SATB1: variants seen among roughly 807,000 people sequenced by gnomAD.
The protein encoded by SATB1 is SATB homeobox 1.
In SATB1, 11 loss-of-function variants were observed where a neutral mutation model predicts 86.9. The observed-to-expected ratio is 0.13, with a 90% confidence interval of 0.08 to 0.21. The LOEUF (loss-of-function observed/expected upper bound fraction) is 0.21. Ranked by LOEUF, SATB1 falls within the 10% of genes least tolerant of loss-of-function variation. SATB1 has a pLI of 1.00. For missense variants in SATB1, 551 were observed against 937.6 expected (o/e 0.59, Z 5.39); for synonymous variants, 357 against 357.2 (o/e 1.00, Z 0.01).
chr3:18,382,289 G>T (rs189013872), intron 8 of SATB1, among the ~76,000 whole-genome samples: 1 of 152,190 alleles, frequency 6.6e-6, no homozygotes, highest in East Asian at 1.9e-4. Flanking sequence ...ATAAAGAGAT[G>T]TAAAAAATGA....
chr3:18,373,620 A>T (rs1695583888), intron 9 of SATB1, among the ~76,000 whole-genome samples: 1 of 152,188 alleles, frequency 6.6e-6, no homozygotes, highest in South Asian at 2.1e-4. Context: ...CCAAACCTAA[A>T]GGTCAGAATG....
chr3:18,420,824 T>G lies in SATB1; in HGVS notation c.144A>C (p.Thr48=). 1 of 1,614,180 alleles carries G rather than the reference T, an allele frequency of 6.2e-7. No homozygotes were observed. Among genetic ancestry groups the G allele is most frequent in the African/African-American group, 1.3e-5 (1 of 75,040 alleles). Reference sequence around the variant, plus strand: ...AAGGCACTCCCTGCATTTTTGCACCTGTACTCCCAAGCCTTCCTCTTCCTA... The same window carrying G: ...AAGGCACTCCCTGCATTTTTGCACCGGTACTCCCAAGCCTTCCTCTTCCTA... The part of the protein sequence containing the change: ...SPLGRGRLGS[T]GAKMQGVPLK... Residue 48 remains threonine (T), a synonymous_variant, in exon 2 of 11, where the codon ACA becomes ACC. Transcript: ENST00000338745.
At chr3:18,429,772 CTTAA>C (rs139639247), upstream of SATB1, among the ~76,000 whole-genome samples, 154 of 152,268 alleles carry the variant, frequency 1.0e-3, no homozygotes, top group Non-Finnish European at 1.9e-3. The surrounding 1 kb of genome is among the most constrained non-coding windows in gnomAD (Gnocchi z 4.1). Flanking sequence ...TCATCACAGT[CTTAA>C]TTAATTAACA....
intron 7 of SATB1, among the ~76,000 whole-genome samples, chr3:18,388,364 C>T (rs1696452921): frequency 6.6e-6 from 1 of 151,938 alleles, no homozygotes; most frequent in Admixed American, 6.6e-5. Flanking sequence ...ATGAAATAAC[C>T]CTTGCTCTTT....
In SATB1 at chr3:18,424,066, T is replaced by G; in HGVS notation, c.-464A>C. 2 of 151,668 alleles carry G rather than the reference T, an allele frequency of 1.3e-5. No individual in the cohort carries two copies. Among genetic ancestry groups the G allele is most frequent in the Non-Finnish European group, 1.5e-5 (1 of 67,954 alleles). The allele number at this position is 151,668 out of a possible 1,614,324, so 9.4% of individuals were successfully genotyped here. A position where few individuals can be genotyped will look rare whatever the true frequency, so the allele number is the denominator to read the frequency against. On this transcript the variant is annotated 5_prime_UTR_variant, in exon 1 of 11. Coordinates refer to ENST00000338745, the MANE Select transcript of SATB1 (RefSeq NM_002971.6). The stretch of plus-strand genomic sequence containing the variant: ...CGTAAAAACAAAGCAAAACCCGTTA[T>G]GAGCTGTACACTGTGATGGTGCTGG...
At chr3:18,405,393 T>C (rs1327739449) in intron 5 of SATB1, among the ~76,000 whole-genome samples, 2 of 151,910 alleles carry the variant, frequency 1.3e-5, no homozygotes, top group East Asian at 3.9e-4. Context: ...CCAGAGGTCC[T>C]AAATAGAGCC....
Position 18,420,740 on chromosome 3 carries a change from G to T in SATB1, c.211+17C>A. ...CAGGGCTTTCAGCTTTTCAAGATTT[G>T]GCTTGAAGGTATTTACCTTTCCTAA... On this transcript the variant is annotated intron_variant, in intron 2 of 10. Coordinates refer to ENST00000338745, the MANE Select transcript of SATB1 (RefSeq NM_002971.6). The T allele has an allele frequency of 6.2e-7, 1 of 1,604,272 alleles. No individual in the cohort carries two copies. The highest frequency in any genetic ancestry group is 1.7e-5 in the Admixed American group (1 of 60,002).
chr3:18,392,214 T>C lies in SATB1; in HGVS notation c.1206+2248A>G, dbSNP rs1284705704. 2.6e-5 allele frequency among the ~76,000 whole-genome samples: 4 copies of C among 152,196 alleles called. No homozygotes were observed. In the South Asian group the frequency reaches 8.3e-4, roughly 32 times the overall value. ...CTCTCACAGAAAAAAAAGTCACTGT[T>C]TTTGATATTAACCACAGAGATGATT... is the stretch of plus-strand genomic sequence containing the variant. On this transcript the variant is annotated intron_variant, in intron 7 of 10. Transcript: ENST00000338745.
chr3:18,354,143 G>A (rs1302953239), intron 9 of SATB1, among the ~76,000 whole-genome samples: 1 of 152,168 alleles, frequency 6.6e-6, no homozygotes, highest in Admixed American at 6.5e-5. Context: ...AACATCTGAA[G>A]TATCTGAGAC....
At chr3:18,409,411 T>G (rs1486813440) in intron 5 of SATB1, 3 of 152,040 alleles carry the variant, frequency 2.0e-5, no homozygotes, top group African/African-American at 7.2e-5. Context: ...CATTATAATA[T>G]TAACACAGAG....
intron 9 of SATB1, among the ~76,000 whole-genome samples, chr3:18,365,828 C>T (rs2125158119): frequency 6.6e-6 from 1 of 152,214 alleles, no homozygotes; most frequent in African/African-American, 2.4e-5. Context: ...AATCAAAATA[C>T]TAAAATAAAA....
At chr3:18,364,164 T>C (rs1310346130) in intron 9 of SATB1, among the ~76,000 whole-genome samples, 1 of 152,186 alleles carries the variant, frequency 6.6e-6, no homozygotes, top group African/African-American at 2.4e-5. Context: ...TATCTAATCA[T>C]TGATCTCATC....
chr3:18,408,381 G>C (rs1278967982), intron 5 of SATB1, among the ~76,000 whole-genome samples: 1 of 151,920 alleles, frequency 6.6e-6, no homozygotes, highest in African/African-American at 2.4e-5. Flanking sequence ...AAGCATCCCA[G>C]GGTGCTTTAC....
chr3:18,394,292 A>G lies in SATB1; in HGVS notation c.1206+170T>C, dbSNP rs1696840903. 1.3e-5 allele frequency among the ~76,000 whole-genome samples: 2 copies of G among 152,370 alleles called. No homozygotes were observed. Among genetic ancestry groups the G allele is most frequent in the East Asian group, 3.9e-4 (2 of 5,192 alleles). On this transcript the variant is annotated intron_variant, in intron 7 of 10. Transcript: ENST00000338745. The surrounding 1 kb of genome is among the most constrained non-coding windows in gnomAD (Gnocchi z 5.9). ...TTCCCTTGATTCAGAAGTATATCAT[A>G]GGAAAAGGAGTGGTAAAATTGAGGC...
At chr3:18,438,309 TACTG>T (rs1265554144) in intron 1 of SATB1, among the ~76,000 whole-genome samples, 1 of 152,128 alleles carries the variant, frequency 6.6e-6, no homozygotes, top group African/African-American at 2.4e-5. Flanking sequence ...TCACACAGAT[TACTG>T]ACTACCTTTT....
chr3:18,445,415 C>T, intron 1 of SATB1: 7 of 985,290 alleles, frequency 7.1e-6, no homozygotes, highest in Non-Finnish European at 8.4e-6. Context: ...GGGGTTGGCG[C>T]GGAAGACAGG....
At chr3:18,359,642 G>T (rs1694812725) in intron 9 of SATB1, among the ~76,000 whole-genome samples, 1 of 151,462 alleles carries the variant, frequency 6.6e-6, no homozygotes, top group South Asian at 2.1e-4. Flanking sequence ...CTTGAATAAG[G>T]ACTCTGAAAA....
chr3:18,414,631 C>T (rs148919604), intron 5 of SATB1, among the ~76,000 whole-genome samples: 2 of 152,058 alleles, frequency 1.3e-5, no homozygotes, highest in African/African-American at 4.8e-5. Context: ...ATTATTTGTA[C>T]TAAAATACTT....
intron 2 of SATB1, among the ~76,000 whole-genome samples, chr3:18,431,517 G>A (rs1011648886): frequency 6.6e-6 from 1 of 152,168 alleles, no homozygotes; most frequent in Non-Finnish European, 1.5e-5. Context: ...CAGATGTCCA[G>A]GCTGAACCCC....
Sources: allele counts gnomAD v4.1 joint callset (sites outside exome capture counted in the v4.1 genomes callset), GRCh38; gene constraint gnomAD v4.1.1; non-coding constraint Gnocchi (gnomAD v3.1); transcripts MANE v1.5; gene names NCBI Gene and HGNC (gene_info 2026-07-23, HGNC 2026-07-21).